Variants in EFNA5 observed in about 807,000 individuals in gnomAD.
The protein encoded by EFNA5 is ephrin A5, also known as ephrin-A5.
A neutral mutation model predicts 22.9 loss-of-function variants in EFNA5; 5 were observed. The observed-to-expected ratio is 0.22, with a 90% CI of 0.11 to 0.46. The LOEUF (loss-of-function observed/expected upper bound fraction) is 0.46. EFNA5 is among the 20% of genes least tolerant of loss of function. EFNA5 has a pLI of 0.99. For synonymous variants in EFNA5, 113 were observed against 112.2 expected (o/e 1.01, Z -0.04); for missense variants, 237 against 293.3 (o/e 0.81, Z 1.40).
At chr5:107,507,904 G>A (rs1361585873) in intron 1 of EFNA5, among the ~76,000 whole-genome samples, 1 of 152,170 alleles carries the variant, frequency 6.6e-6, no homozygotes, top group African/African-American at 2.4e-5. Context: ...TGCCACTCTG[G>A]AGAATGAGCA....
At chr5:107,633,435 C>T (rs925374786) in intron 1 of EFNA5, among the ~76,000 whole-genome samples, 5 of 152,222 alleles carry the variant, frequency 3.3e-5, no homozygotes, top group African/African-American at 1.2e-4. Flanking sequence ...GGCATCCTGG[C>T]GGTAGCCAGC....
chr5:107,498,158 C>T (rs1372967744), intron 1 of EFNA5, among the ~76,000 whole-genome samples: 3 of 152,156 alleles, frequency 2.0e-5, no homozygotes, highest in Admixed American at 6.5e-5. Flanking sequence ...TCAAGTGATC[C>T]GCCTTTCTCG....
chr5:107,657,838 A>G (rs1261650962), intron 1 of EFNA5, among the ~76,000 whole-genome samples: 2 of 152,134 alleles, frequency 1.3e-5, no homozygotes, highest in African/African-American at 4.8e-5. Context: ...TTGTATTTAT[A>G]TACACAGAGT....
intron 1 of EFNA5, among the ~76,000 whole-genome samples, chr5:107,514,997 A>T (rs1299868808): frequency 1.3e-5 from 2 of 152,194 alleles, no homozygotes; most frequent in African/African-American, 4.8e-5. Flanking sequence ...GCCGGCAGGA[A>T]CTAAGGACTA....
At chr5:107,503,823 A>G (rs1747193725) in intron 1 of EFNA5, among the ~76,000 whole-genome samples, 1 of 152,188 alleles carries the variant, frequency 6.6e-6, no homozygotes, top group African/African-American at 2.4e-5. Flanking sequence ...AAAATTAAAA[A>G]TTTCAGTTTC....
At chr5:107,498,944 TTATGTATATAAG>T (rs1747059995) in intron 1 of EFNA5, among the ~76,000 whole-genome samples, 2 of 85,068 alleles carry the variant, frequency 2.4e-5, no homozygotes, top group Non-Finnish European at 4.6e-5. Flanking sequence ...GTGCTTTTCT[TTATGTATATAAG>T]TATGTATGTA....
intron 1 of EFNA5, among the ~76,000 whole-genome samples, chr5:107,482,862 CTCTCTCTCTATATATA>C (rs1257645105): frequency 0.11 from 8,641 of 75,602 alleles, 311 homozygotes; most frequent in Middle Eastern, 0.18. Flanking sequence ...CTCTCTCTCT[CTCTCTCTCTATATATA>C]TATATATATA....
At chr5:107,529,302 G>A (rs1747761929) in intron 1 of EFNA5, among the ~76,000 whole-genome samples, 1 of 152,130 alleles carries the variant, frequency 6.6e-6, no homozygotes, top group Non-Finnish European at 1.5e-5. Context: ...GAGGTCCTGA[G>A]TAGTGAAGTC....
intron 1 of EFNA5, among the ~76,000 whole-genome samples, chr5:107,660,921 G>A (rs943667884): frequency 3.9e-5 from 6 of 151,938 alleles, no homozygotes; most frequent in African/African-American, 1.2e-4. Context: ...CGGAGCTCCC[G>A]CCAGAAAACT....
intron 1 of EFNA5, among the ~76,000 whole-genome samples, chr5:107,597,883 TC>T (rs1749508011): frequency 6.6e-6 from 1 of 152,118 alleles, no homozygotes; most frequent in Admixed American, 6.5e-5. Context: ...CCGACAGAAT[TC>T]CTAATGAACT....
At chr5:107,425,436 TAA>T (rs1748785810) in intron 2 of EFNA5, among the ~76,000 whole-genome samples, 1 of 152,218 alleles carries the variant, frequency 6.6e-6, no homozygotes, top group Non-Finnish European at 1.5e-5. Context: ...GTGAGACAAC[TAA>T]TGAGTTGCTG....
At chr5:107,439,071 C>A (rs947009916) in intron 1 of EFNA5, among the ~76,000 whole-genome samples, 2 of 152,076 alleles carry the variant, frequency 1.3e-5, no homozygotes, top group Non-Finnish European at 2.9e-5. Flanking sequence ...TCTGTCTCTC[C>A]CACTCCAATT....
intron 1 of EFNA5, among the ~76,000 whole-genome samples, chr5:107,500,365 T>A (rs540957408): frequency 2.0e-5 from 3 of 152,240 alleles, no homozygotes; most frequent in Non-Finnish European, 4.4e-5. Flanking sequence ...AGCTCTGCAT[T>A]TCTTCTTTCT....
intron 1 of EFNA5, among the ~76,000 whole-genome samples, chr5:107,443,686 A>G (rs1303509424): frequency 1.3e-5 from 2 of 152,072 alleles, no homozygotes; most frequent in Admixed American, 1.3e-4. Context: ...CAGGGAGGGG[A>G]ACACTACACA....
chr5:107,603,557 C>A (rs1329096117), intron 1 of EFNA5, among the ~76,000 whole-genome samples: 2 of 152,178 alleles, frequency 1.3e-5, no homozygotes, highest in Non-Finnish European at 2.9e-5. Context: ...AAGTTCATTT[C>A]AATTACTACT....
chr5:107,434,397 G>A (rs1331046396), intron 1 of EFNA5, among the ~76,000 whole-genome samples: 4 of 152,138 alleles, frequency 2.6e-5, no homozygotes, highest in African/African-American at 7.2e-5. Flanking sequence ...CAGTGCCCTG[G>A]GCTTCAGGCT....
intron 1 of EFNA5, among the ~76,000 whole-genome samples, chr5:107,497,178 C>G (rs1482766041): frequency 6.6e-6 from 1 of 152,124 alleles, no homozygotes; most frequent in Non-Finnish European, 1.5e-5. Context: ...AGTAGGTGAT[C>G]TTTTATAAAA....
intron 1 of EFNA5, among the ~76,000 whole-genome samples, chr5:107,512,505 G>C (rs152557): frequency 0.41 from 61,733 of 151,622 alleles, 13,970 homozygotes; most frequent in East Asian, 0.71. Context: ...TCATTACAGA[G>C]AGTCACAGAA....
At chr5:107,598,007 A>G (rs762840668) in intron 1 of EFNA5, among the ~76,000 whole-genome samples, 2 of 152,208 alleles carry the variant, frequency 1.3e-5, no homozygotes, top group Non-Finnish European at 2.9e-5. Context: ...TTTAAATGAG[A>G]TACTATTAAA....
Sources: gnomAD v4.1 joint callset for allele counts (sites outside exome capture counted in the v4.1 genomes callset) on GRCh38, gnomAD v4.1.1 for gene constraint, MANE v1.5 for transcripts, NCBI Gene and HGNC (gene_info 2026-07-23, HGNC 2026-07-21) for gene names.